The following RBFOX3 variants were observed in gnomAD, a reference collection of about 807,000 sequenced individuals.
The protein encoded by RBFOX3 is RNA binding fox-1 homolog 3.
RBFOX3 carries 17 observed loss-of-function variants against 48.7 expected under a neutral mutation model. The observed-to-expected ratio is 0.35, with a 90% CI of 0.24 to 0.52. The LOEUF is 0.52. RBFOX3 is among the 20% of genes least tolerant of loss of function. RBFOX3 has a pLI of 0.94. For missense variants in RBFOX3, 382 were observed against 497.5 expected, an observed-to-expected ratio of 0.77 and a Z score of 2.21; for synonymous variants, 212 against 209.5, an observed-to-expected ratio of 1.01 and a Z score of -0.10.
chr17:79,414,310 C>T (rs12185262), intron 2 of RBFOX3, among the ~76,000 whole-genome samples: 5,749 of 152,230 alleles, frequency 0.038, 154 homozygotes, highest in South Asian at 0.072. Context: ...AATAGATTGG[C>T]CACCCTACCC....
chr17:79,127,669 G>A (rs2037668057), intron 4 of RBFOX3, among the ~76,000 whole-genome samples: 1 of 152,200 alleles, frequency 6.6e-6, no homozygotes. Flanking sequence ...TCCTATTGCT[G>A]ATGTCACATC....
chr17:79,169,978 G>A (rs2048815263), intron 4 of RBFOX3, among the ~76,000 whole-genome samples: 1 of 151,218 alleles, frequency 6.6e-6, no homozygotes, highest in Non-Finnish European at 1.5e-5. Context: ...GAAGAGGAGA[G>A]AGTTAAAAAA....
At chr17:79,596,420 C>G (rs1365050678) in intron 1 of RBFOX3, among the ~76,000 whole-genome samples, 2 of 152,124 alleles carry the variant, frequency 1.3e-5, no homozygotes, top group Non-Finnish European at 2.9e-5. Context: ...GTGCCCAGCA[C>G]CAGCCAGGGG....
At chr17:79,280,842 G>T (rs571146129) in intron 3 of RBFOX3, among the ~76,000 whole-genome samples, 55 of 24,824 alleles carry the variant, frequency 2.2e-3, no homozygotes, top group African/African-American at 4.5e-3. Flanking sequence ...GTCCCATTGT[G>T]GGGGGGGGGA....
chr17:79,273,591 T>A (rs536081415), intron 3 of RBFOX3, among the ~76,000 whole-genome samples: 1 of 148,534 alleles, frequency 6.7e-6, no homozygotes, highest in South Asian at 2.2e-4. Flanking sequence ...GGCGGGGTGC[T>A]AGCAGATGGG....
intron 3 of RBFOX3, among the ~76,000 whole-genome samples, chr17:79,302,080 G>T (rs376464701): frequency 1.3e-5 from 2 of 152,174 alleles, no homozygotes; most frequent in African/African-American, 4.8e-5. Context: ...TTATACCACT[G>T]AACTAAAGAT....
rs1017109779 is a variant in RBFOX3 at position 79,212,497 on chromosome 17, C to A, written c.-34+23269G>T. On this transcript the variant is annotated intron_variant, in intron 4 of 14. Transcript: ENST00000693108. This position sits in a 1 kb window ranked among gnomAD's most constrained non-coding sequence, Gnocchi z 4.7. ...TTAGGGGGTCGGGTCTCACCCTGGG[C>A]CCCCCAGTCCGCAACTCCTGACTCC... is the stretch of plus-strand genomic sequence containing the variant. Among the ~76,000 whole-genome samples the A allele has an allele frequency of 6.6e-6, 1 of 152,168 alleles. No individual in the cohort carries two copies. The highest frequency in any genetic ancestry group is 2.4e-5 in the African/African-American group (1 of 41,450).
intron 9 of RBFOX3, chr17:79,099,594 G>A (rs772222023): frequency 6.6e-6 from 1 of 152,336 alleles, no homozygotes; most frequent in Non-Finnish European, 1.5e-5. Context: ...GTGAGACTTG[G>A]AGGCTGCATG....
intron 14 of RBFOX3, chr17:79,091,923 G>T: frequency 1.0e-6 from 1 of 976,070 alleles, no homozygotes; most frequent in Non-Finnish European, 1.2e-6. Context: ...CACGCGACAC[G>T]CTTGTGACTA....
In RBFOX3 at chr17:79,135,468, T is replaced by C. The variant is rs138485684; in HGVS notation, c.-33-19720A>G. Among the ~76,000 whole-genome samples, 694 of 152,316 alleles carry C rather than the reference T, an allele frequency of 4.6e-3. 7 individuals are homozygous for C. Among genetic ancestry groups the C allele is most frequent in the Non-Finnish European group, 7.8e-3 (531 of 68,004 alleles). ...CTGGGCTGGACACAGGGATGCTCCC[T>C]GGGAGGCCTGAGCCCCTTACAGGAT... On this transcript the variant is annotated intron_variant, in intron 4 of 14. Transcript: ENST00000693108.
At chr17:79,451,406 G>A (rs57792907) in intron 2 of RBFOX3, among the ~76,000 whole-genome samples, 2,216 of 152,298 alleles carry the variant, frequency 0.015, 66 homozygotes, top group African/African-American at 0.051. Flanking sequence ...AGACAAGCTT[G>A]TCAACATCTC....
At chr17:79,237,273 C>T (rs1476154735) in intron 3 of RBFOX3, among the ~76,000 whole-genome samples, 1 of 152,250 alleles carries the variant, frequency 6.6e-6, no homozygotes, top group Non-Finnish European at 1.5e-5. Context: ...CCACCGTCTT[C>T]ATCCACATCA....
intron 2 of RBFOX3, among the ~76,000 whole-genome samples, chr17:79,427,532 A>T (rs780117875): frequency 5.9e-4 from 90 of 152,308 alleles, no homozygotes; most frequent in East Asian, 3.9e-4. Context: ...TGCCTTGTGG[A>T]TGCTCCTGAT....
Position 79,213,753 on chromosome 17 carries a change from C to T in RBFOX3, c.-34+22013G>A, listed in dbSNP as rs544503361. 1.5e-3 allele frequency among the ~76,000 whole-genome samples: 232 copies of T among 152,330 alleles called. 2 individuals are homozygous for T. Among genetic ancestry groups the T allele is most frequent in the Admixed American group, 5.5e-3 (84 of 15,300 alleles). On this transcript the variant is annotated intron_variant, in intron 4 of 14. Coordinates refer to ENST00000693108, the MANE Select transcript of RBFOX3 (RefSeq NM_001350451.2). The stretch of plus-strand genomic sequence containing the variant: ...CCAGCTGATAGCTAAAATCTCTCCT[C>T]CTCTCTTGGACTCCCACCAGATATA...
rs959536135 is a variant in RBFOX3 at position 79,524,660 on chromosome 17, G to A, written c.-319-42062C>T. ...GAGTGTGGAGCAGGCACGGGCACTG[G>A]GGGTTAGATCCTGCTGCCCCCGGCC... On this transcript the variant is annotated intron_variant, in intron 1 of 14. Coordinates refer to ENST00000693108, the MANE Select transcript of RBFOX3 (RefSeq NM_001350451.2). Among the ~76,000 whole-genome samples the A allele has an allele frequency of 1.9e-3, 296 of 152,154 alleles. 2 individuals are homozygous for A. The highest frequency in any genetic ancestry group is 3.8e-3 in the Non-Finnish European group (260 of 67,970).
At position 79,412,259 on chromosome 17, in the gene RBFOX3, GT is replaced by G. The variant is rs565866408; in HGVS notation, c.-175+70194del. Among the ~76,000 whole-genome samples the G allele has an allele frequency of 5.3e-5, 8 of 151,112 alleles. No homozygotes were observed. The South Asian group carries it at 1.1e-3, about 20-fold the overall frequency. ...TGTGTGATATGTGTGAGTGTATGGT[GT>G]GTGTATGGTATGTGTGCGTGTATGA... is the stretch of plus-strand genomic sequence containing the variant. On this transcript the variant is annotated intron_variant, in intron 2 of 14. Coordinates refer to ENST00000693108, the MANE Select transcript of RBFOX3 (RefSeq NM_001350451.2).
intron 4 of RBFOX3, among the ~76,000 whole-genome samples, chr17:79,194,363 T>C (rs536460362): frequency 1.3e-5 from 2 of 152,084 alleles, no homozygotes; most frequent in East Asian, 3.9e-4. Flanking sequence ...TCCCAGCACT[T>C]TGGGAGGCTG....
chr17:79,238,971 G>A (rs2061981751), intron 3 of RBFOX3, among the ~76,000 whole-genome samples: 1 of 152,066 alleles, frequency 6.6e-6, no homozygotes, highest in South Asian at 2.1e-4. Context: ...GCCCAGCTTC[G>A]TCCTCCATCG....
At chr17:79,605,739 A>C (rs1048132818) in intron 1 of RBFOX3, among the ~76,000 whole-genome samples, 10 of 152,236 alleles carry the variant, frequency 6.6e-5, no homozygotes, top group African/African-American at 2.4e-4. Flanking sequence ...AAACCTTAAA[A>C]GAAAACTTGC....
Sources: gnomAD v4.1 joint callset for allele counts (sites outside exome capture counted in the v4.1 genomes callset) on GRCh38, gnomAD v4.1.1 for gene constraint, Gnocchi (gnomAD v3.1) non-coding constraint, MANE v1.5 for transcripts, NCBI Gene and HGNC (gene_info 2026-07-23, HGNC 2026-07-21) for gene names.